Variants in TMCC1 observed in about 807,000 individuals in gnomAD.
TMCC1 encodes the protein transmembrane and coiled-coil domains protein 1.
A neutral mutation model predicts 52.4 loss-of-function variants in TMCC1; 15 were observed. That is an observed-to-expected ratio of 0.29 (90% CI 0.19 to 0.44). TMCC1 has a LOEUF of 0.44. TMCC1 is among the 20% of genes least tolerant of loss of function. The pLI is 1.00. For synonymous variants in TMCC1, 279 were observed against 301.9 expected, an observed-to-expected ratio of 0.92 and a Z score of 0.79; for missense variants, 503 against 806.0, an observed-to-expected ratio of 0.62 and a Z score of 4.55.
chr3:129,877,221 C>T (rs1293391120), intron 2 of TMCC1, among the ~76,000 whole-genome samples: 1 of 152,164 alleles, frequency 6.6e-6, no homozygotes, highest in East Asian at 1.9e-4. Flanking sequence ...TACCCTTTAT[C>T]AAGGTTACCA....
At chr3:129,734,309 T>C (rs1187245288) in intron 4 of TMCC1, among the ~76,000 whole-genome samples, 1 of 152,138 alleles carries the variant, frequency 6.6e-6, no homozygotes, top group Non-Finnish European at 1.5e-5. Flanking sequence ...GTAAAGAAAT[T>C]TTGCGTATAC....
intron 4 of TMCC1, among the ~76,000 whole-genome samples, chr3:129,759,766 G>A (rs1246517081): frequency 8.1e-6 from 1 of 122,964 alleles, no homozygotes; most frequent in East Asian, 2.5e-4. Flanking sequence ...CTGTCACCCA[G>A]GCTGGAGTGC....
chr3:129,652,967 G>C (rs1394406580), intron 6 of TMCC1, among the ~76,000 whole-genome samples: 3 of 152,174 alleles, frequency 2.0e-5, no homozygotes, highest in Non-Finnish European at 4.4e-5. Context: ...CCCAGGCCAT[G>C]GTTACTTGTA....
chr3:129,713,717 A>G (rs2048865874), intron 4 of TMCC1, among the ~76,000 whole-genome samples: 1 of 151,596 alleles, frequency 6.6e-6, no homozygotes, highest in African/African-American at 2.4e-5. Context: ...ATCTCAAAAA[A>G]AAAAAAAAGA....
At chr3:129,831,628 A>G (rs930112587) in intron 3 of TMCC1, among the ~76,000 whole-genome samples, 2 of 152,224 alleles carry the variant, frequency 1.3e-5, no homozygotes, top group African/African-American at 4.8e-5. Flanking sequence ...TCTGTAGGCC[A>G]ATAGAAAATC....
chr3:129,855,985 A>T (rs950879744), intron 2 of TMCC1, among the ~76,000 whole-genome samples: 1 of 149,908 alleles, frequency 6.7e-6, no homozygotes, highest in African/African-American at 2.5e-5. Context: ...TGGCCAAATG[A>T]CTCAGCAAGA....
intron 4 of TMCC1, chr3:129,819,897 G>A (rs1180898879): frequency 6.6e-6 from 1 of 151,894 alleles, no homozygotes; most frequent in Non-Finnish European, 1.5e-5. Flanking sequence ...GGGGTCCTTA[G>A]TGAATTGTTG....
At chr3:129,817,628 G>T (rs750924952) in intron 4 of TMCC1, among the ~76,000 whole-genome samples, 14 of 152,156 alleles carry the variant, frequency 9.2e-5, no homozygotes, top group Admixed American at 5.9e-4. Context: ...CAGAGTGGCT[G>T]AAGTTTCTAT....
Position 129,669,114 on chromosome 3 carries a change from C to T in TMCC1, c.1511+1216G>A, listed in dbSNP as rs559516850. Among the ~76,000 whole-genome samples the T allele has an allele frequency of 1.4e-3, 210 of 152,276 alleles. 2 individuals carry two copies. Among genetic ancestry groups the T allele is most frequent in the Non-Finnish European group, 9.6e-4 (65 of 68,018 alleles). Reference sequence around the variant, plus strand: ...TGATTAGAGTTTTCACCATCTGAAACGAACTTGCTGCTGTAACTCTTCTTA... The same window carrying T: ...TGATTAGAGTTTTCACCATCTGAAATGAACTTGCTGCTGTAACTCTTCTTA... On this transcript the variant is annotated intron_variant, in intron 5 of 6. Coordinates refer to ENST00000393238, the MANE Select transcript of TMCC1 (RefSeq NM_001017395.5).
intron 4 of TMCC1, among the ~76,000 whole-genome samples, chr3:129,768,655 T>A (rs1320808039): frequency 6.6e-6 from 1 of 152,148 alleles, no homozygotes; most frequent in African/African-American, 2.4e-5. Context: ...ATGAAATACA[T>A]CCCACAAGAG....
chr3:129,752,983 A>C (rs2052671759), intron 4 of TMCC1, among the ~76,000 whole-genome samples: 2 of 152,074 alleles, frequency 1.3e-5, no homozygotes, highest in Non-Finnish European at 2.9e-5. Flanking sequence ...GGTGCCACAC[A>C]CTTTGAAACA....
chr3:129,863,536 GAA>G (rs1168231080), intron 2 of TMCC1, among the ~76,000 whole-genome samples: 1 of 152,024 alleles, frequency 6.6e-6, no homozygotes, highest in Non-Finnish European at 1.5e-5. Flanking sequence ...AGAATAAGGG[GAA>G]AAAGAACAGA....
chr3:129,754,846 G>A (rs1284465018), intron 4 of TMCC1, among the ~76,000 whole-genome samples: 1 of 152,204 alleles, frequency 6.6e-6, no homozygotes, highest in African/African-American at 2.4e-5. Flanking sequence ...GGGAGGCTGA[G>A]GTGGGTGGAT....
chr3:129,700,823 A>G (rs772803546), intron 4 of TMCC1, among the ~76,000 whole-genome samples: 7 of 152,296 alleles, frequency 4.6e-5, no homozygotes, highest in Middle Eastern at 3.4e-3. Context: ...AACACTGGAA[A>G]AGCAGCTTTG....
At chr3:129,826,626 T>C (rs1380844207) in intron 4 of TMCC1, among the ~76,000 whole-genome samples, 1 of 152,168 alleles carries the variant, frequency 6.6e-6, no homozygotes, top group Admixed American at 6.5e-5. Context: ...GTCCATTATC[T>C]ATATGTTTTA....
chr3:129,672,843 G>A (rs1177893711), intron 4 of TMCC1, among the ~76,000 whole-genome samples: 3 of 151,972 alleles, frequency 2.0e-5, no homozygotes, highest in East Asian at 1.9e-4. Context: ...TTTATGAAAC[G>A]CCAATAATTA....
At chr3:129,783,099 C>T (rs778280943) in intron 4 of TMCC1, among the ~76,000 whole-genome samples, 1 of 152,090 alleles carries the variant, frequency 6.6e-6, no homozygotes, top group Non-Finnish European at 1.5e-5. Context: ...GTTACTATAA[C>T]AGTTAGTTGG....
intron 3 of TMCC1, among the ~76,000 whole-genome samples, chr3:129,831,044 C>T (rs1025656222): frequency 1.3e-5 from 2 of 152,172 alleles, no homozygotes; most frequent in African/African-American, 4.8e-5. Flanking sequence ...AGGCAATTCT[C>T]CTGCCTCAGC....
intron 4 of TMCC1, among the ~76,000 whole-genome samples, chr3:129,721,210 G>A (rs1345925429): frequency 2.0e-5 from 3 of 152,092 alleles, no homozygotes; most frequent in Non-Finnish European, 1.5e-5. Flanking sequence ...TCAGCTGAAC[G>A]GCTAACCTGC....
Sources: allele counts gnomAD v4.1 joint callset (sites outside exome capture counted in the v4.1 genomes callset), GRCh38; gene constraint gnomAD v4.1.1; transcripts MANE v1.5; gene names NCBI Gene and HGNC (gene_info 2026-07-23, HGNC 2026-07-21).